Variants in GPBP1 observed in about 807,000 individuals in gnomAD.
GPBP1 encodes the protein GC-rich promoter binding protein 1, also known as vasculin.
GPBP1 carries 13 observed loss-of-function variants against 56.5 expected under a neutral mutation model. The ratio of observed to expected loss-of-function variants is 0.23; its 90% CI spans 0.15 to 0.37. The LOEUF is 0.37. Ranked by LOEUF, GPBP1 falls within the 10% of genes least tolerant of loss-of-function variation. The pLI is 1.00. For missense variants in GPBP1, 477 were observed against 572.3 expected (o/e 0.83, Z 1.70); for synonymous variants, 204 against 188.9 (o/e 1.08, Z -0.66).
chr5:57,259,266 G>C (rs1741790227), intron 10 of GPBP1, among the ~76,000 whole-genome samples: 1 of 152,132 alleles, frequency 6.6e-6, no homozygotes, highest in African/African-American at 2.4e-5. Context: ...ATATGATCTT[G>C]ATTGTTCATG....
At chr5:57,227,610 A>G (rs1434490806) in intron 3 of GPBP1, among the ~76,000 whole-genome samples, 1 of 152,188 alleles carries the variant, frequency 6.6e-6, no homozygotes, top group Non-Finnish European at 1.5e-5. Flanking sequence ...AGCTCTTTAT[A>G]TATGTGGTTG....
chr5:57,247,439 CA>C (rs1383372350), intron 8 of GPBP1, among the ~76,000 whole-genome samples: 3 of 152,018 alleles, frequency 2.0e-5, no homozygotes, highest in Non-Finnish European at 4.4e-5. Context: ...CCTATAATCC[CA>C]ACATTTTGGG....
At chr5:57,224,055 G>A (rs572372985) in intron 3 of GPBP1, among the ~76,000 whole-genome samples, 1 of 151,548 alleles carries the variant, frequency 6.6e-6, no homozygotes, top group Non-Finnish European at 1.5e-5. Flanking sequence ...GGATGGTCTC[G>A]ATCTCCTGAC....
At chr5:57,187,859 T>C (rs569726219) in intron 2 of GPBP1, among the ~76,000 whole-genome samples, 13 of 151,708 alleles carry the variant, frequency 8.6e-5, no homozygotes, top group Non-Finnish European at 1.3e-4. Context: ...TAAGTATAAA[T>C]TGAAGGGACA....
Position 57,236,981 on chromosome 5 carries a change from C to G in GPBP1, c.478+949C>G, listed in dbSNP as rs1158703602. On this transcript the variant is annotated intron_variant, in intron 6 of 11. Coordinates refer to ENST00000506184, the MANE Select transcript of GPBP1 (RefSeq NM_022913.4). ...TGAAACTCGGGAATTATTTTGTTTT[C>G]TTTTGATCTTCCTCTTTATTTAAGG... 4 of 586,038 alleles carry G rather than the reference C, an allele frequency of 6.8e-6. No individual in the cohort carries two copies. In the East Asian group the frequency reaches 1.2e-4, roughly 17 times the overall value. 36.3% of individuals were successfully genotyped at this position (586,038 alleles called of 1,614,324 possible).
intron 2 of GPBP1, among the ~76,000 whole-genome samples, chr5:57,178,336 C>T (rs1753888794): frequency 6.6e-6 from 1 of 152,164 alleles, no homozygotes; most frequent in South Asian, 2.1e-4. Flanking sequence ...CAACCTCCGC[C>T]TCCTGGGTTC....
intron 2 of GPBP1, among the ~76,000 whole-genome samples, chr5:57,182,271 A>T (rs1382718278): frequency 1.3e-5 from 2 of 151,914 alleles, no homozygotes; most frequent in African/African-American, 4.8e-5. Context: ...TTTAGTAGAG[A>T]TGGGGTTTCA....
At chr5:57,199,666 G>A (rs1174425508) in intron 2 of GPBP1, among the ~76,000 whole-genome samples, 1 of 152,034 alleles carries the variant, frequency 6.6e-6, no homozygotes, top group African/African-American at 2.4e-5. Context: ...TTTACATTAG[G>A]TATATCTCCT....
In GPBP1 at chr5:57,264,491, CTTACTGTGT is replaced by C. The variant is rs952903271; in HGVS notation, c.*1742_*1750del. On this transcript the variant is annotated 3_prime_UTR_variant, in exon 12 of 12. Transcript: ENST00000506184. Reference sequence around the variant, plus strand: ...AATGTGGTTTACATTTGAGATCCACCTTACTGTGTTTTCTACTTTCAGAAAAGATTCTGT... The same window carrying C: ...AATGTGGTTTACATTTGAGATCCACCTTTCTACTTTCAGAAAAGATTCTGT... 2 of 152,256 alleles carry C rather than the reference CTTACTGTGT, an allele frequency of 1.3e-5. No individual in the cohort carries two copies. The highest frequency in any genetic ancestry group is 4.8e-5 in the African/African-American group (2 of 41,546). The allele number at this position is 152,256 out of a possible 1,614,324, so 9.4% of individuals were successfully genotyped here.
chr5:57,230,086 A>T (rs1756383322), intron 3 of GPBP1, among the ~76,000 whole-genome samples: 2 of 151,184 alleles, frequency 1.3e-5, no homozygotes, highest in African/African-American at 4.9e-5. Context: ...ATGTGCCACC[A>T]CACCTGGCTC....
rs112888013 is a variant in GPBP1, at chr5:57,218,926, C to T, written c.63+4733C>T. On this transcript the variant is annotated intron_variant, in intron 3 of 11. Transcript: ENST00000506184. ...AGATGGATCTTAGTGATCATCTAAA[C>T]CTTATACAGATTTTGGAAGGTTAAC... Among the ~76,000 whole-genome samples the T allele has an allele frequency of 5.6e-3, 855 of 152,260 alleles. 6 individuals carry two copies. Among genetic ancestry groups the T allele is most frequent in the Non-Finnish European group, 9.5e-3 (644 of 68,012 alleles).
At chr5:57,229,941 GCGTCC>G (rs112231997) in intron 3 of GPBP1, among the ~76,000 whole-genome samples, 5,458 of 146,156 alleles carry the variant, frequency 0.037, 158 homozygotes, top group African/African-American at 0.083. Context: ...GCATCGCATC[GCGTCC>G]CGTCCCGTCC....
chr5:57,180,607 G>A (rs1043762996), intron 2 of GPBP1, among the ~76,000 whole-genome samples: 1 of 152,186 alleles, frequency 6.6e-6, no homozygotes, highest in African/African-American at 2.4e-5. Flanking sequence ...TTAGGATATG[G>A]AATATCTAGA....
intron 3 of GPBP1, among the ~76,000 whole-genome samples, chr5:57,229,274 G>A (rs1277748835): frequency 8.0e-6 from 1 of 124,868 alleles, no homozygotes; most frequent in Non-Finnish European, 1.6e-5. Flanking sequence ...AAAAGGAGTT[G>A]TCTGTCTTCT....
At chr5:57,215,026 A>T (rs1244590369) in intron 3 of GPBP1, among the ~76,000 whole-genome samples, 1 of 152,122 alleles carries the variant, frequency 6.6e-6, no homozygotes, top group Admixed American at 6.6e-5. Flanking sequence ...ATTTATTTCA[A>T]AGTTGTCTTT....
At chr5:57,238,376 T>C (rs193254029) in intron 6 of GPBP1, among the ~76,000 whole-genome samples, 9 of 152,170 alleles carry the variant, frequency 5.9e-5, no homozygotes, top group Admixed American at 3.3e-4. Context: ...CTGACCAACA[T>C]GGAGAAACCC....
rs573934699 is a variant in GPBP1 at position 57,234,826 on chromosome 5, G to A, written c.412-1140G>A. Among the ~76,000 whole-genome samples the A allele has an allele frequency of 5.3e-5, 8 of 152,186 alleles. No homozygotes were observed. The South Asian group carries it at 1.7e-3, about 32-fold the overall frequency. On this transcript the variant is annotated intron_variant, in intron 5 of 11. Transcript: ENST00000506184. ...AGCCAGCAAGGAAATGGAGACCTCA[G>A]TCCTACAGCTACAAGAAACTGGATT... is the stretch of plus-strand genomic sequence containing the variant.
At position 57,237,099 on chromosome 5, in the gene GPBP1, A is replaced by G. The variant is rs1024782785; in HGVS notation, c.478+1067A>G. Reference sequence around the variant, plus strand: ...TTCTGTATTGCAAATTAGTATTTCTACCACTCTCCCCAGGCCTACACGCCC... The same window carrying G: ...TTCTGTATTGCAAATTAGTATTTCTGCCACTCTCCCCAGGCCTACACGCCC... On this transcript the variant is annotated intron_variant, in intron 6 of 11. Transcript: ENST00000506184. 26 of 1,524,204 alleles carry G rather than the reference A, an allele frequency of 1.7e-5. No homozygotes were observed. The Admixed American group carries it at 2.4e-4, about 14-fold the overall frequency. 94.4% of individuals were successfully genotyped at this position (1,524,204 alleles called of 1,614,324 possible).
At chr5:57,202,514 CCTGACCTG>C (rs1755063470) in intron 2 of GPBP1, among the ~76,000 whole-genome samples, 1 of 152,168 alleles carries the variant, frequency 6.6e-6, no homozygotes, top group South Asian at 2.1e-4. Context: ...GTCTCGAACT[CCTGACCTG>C]CAGTGATCAG....
Sources: allele counts gnomAD v4.1 joint callset (sites outside exome capture counted in the v4.1 genomes callset), GRCh38; gene constraint gnomAD v4.1.1; transcripts MANE v1.5; gene names NCBI Gene and HGNC (gene_info 2026-07-23, HGNC 2026-07-21).